The following KLHL32 variants were observed in gnomAD, a reference collection of about 807,000 sequenced individuals.
KLHL32 encodes the protein kelch-like protein 32.
Under a neutral mutation model 64.8 loss-of-function variants are expected in KLHL32, and 35 were observed. That is an observed-to-expected ratio of 0.54 (90% confidence interval 0.41 to 0.72). KLHL32 has a LOEUF of 0.72. KLHL32 is among the 30% of genes least tolerant of loss of function. KLHL32 has a pLI of 0.00. For missense variants in KLHL32, 589 were observed against 768.5 expected (o/e 0.77, Z 2.76); for synonymous variants, 259 against 281.0 (o/e 0.92, Z 0.78).
intron 7 of KLHL32, among the ~76,000 whole-genome samples, chr6:97,118,589 A>G (rs1242129703): frequency 7.1e-6 from 1 of 141,586 alleles, no homozygotes; most frequent in African/African-American, 2.7e-5. Context: ...ACTGCACTCC[A>G]GCCTGGGCAA....
intron 3 of KLHL32, among the ~76,000 whole-genome samples, chr6:97,040,589 G>A (rs370735481): frequency 9.9e-4 from 151 of 152,208 alleles, no homozygotes; most frequent in African/African-American, 3.6e-3. Context: ...ACTCAGACAC[G>A]TTCCCAGGTG....
At chr6:96,963,766 G>T (rs1011511003) in intron 1 of KLHL32, among the ~76,000 whole-genome samples, 1 of 152,106 alleles carries the variant, frequency 6.6e-6, no homozygotes. Context: ...TAAATTCTCT[G>T]TTCACCAAAA....
At chr6:96,983,891 C>G (rs990018851) in intron 3 of KLHL32, among the ~76,000 whole-genome samples, 8 of 152,124 alleles carry the variant, frequency 5.3e-5, no homozygotes, top group Admixed American at 5.2e-4. Flanking sequence ...CAGTTCTGCT[C>G]TGATCTTACT....
At chr6:96,993,828 G>A (rs539620034) in intron 3 of KLHL32, among the ~76,000 whole-genome samples, 1 of 152,298 alleles carries the variant, frequency 6.6e-6, no homozygotes, top group South Asian at 2.1e-4. Context: ...ATGACATGAA[G>A]AGGGCCAGCT....
intron 6 of KLHL32, among the ~76,000 whole-genome samples, chr6:97,107,851 G>A (rs1026772501): frequency 3.9e-5 from 6 of 152,218 alleles, no homozygotes; most frequent in Non-Finnish European, 1.5e-5. Context: ...CTGAGAAATA[G>A]CCTAAAAACC....
rs1463853175 is a variant in KLHL32, at chr6:97,140,345, T to C, written c.*1063T>C. 6.6e-6 allele frequency: 1 copy of C among 152,118 alleles called. No individual in the cohort carries two copies. Among genetic ancestry groups the C allele is most frequent in the Non-Finnish European group, 1.5e-5 (1 of 67,942 alleles). The allele number at this position is 152,118 out of a possible 1,614,324, so 9.4% of individuals were successfully genotyped here. On this transcript the variant is annotated 3_prime_UTR_variant, in exon 11 of 11. Transcript: ENST00000369261. ...AAGTGCTTTGACATAAATTTGAACC[T>C]AGAATTGGCAGTTCTAATAAAAGTT...
At chr6:96,983,559 C>A (rs1456347670) in intron 3 of KLHL32, among the ~76,000 whole-genome samples, 1 of 152,290 alleles carries the variant, frequency 6.6e-6, no homozygotes, top group Non-Finnish European at 1.5e-5. Flanking sequence ...AATTTCAGAG[C>A]CTGTTAATTG....
chr6:97,132,593 T>A, intron 9 of KLHL32, 60 bp from the exon 10 acceptor site: 1 of 1,300,242 alleles, frequency 7.7e-7, no homozygotes. Flanking sequence ...GGCAAAAGGG[T>A]TAATTAAAAT....
At chr6:97,138,529 CAAAACAAAAACA>C (rs71012582) in intron 10 of KLHL32, among the ~76,000 whole-genome samples, 8 of 151,472 alleles carry the variant, frequency 5.3e-5, no homozygotes, top group Admixed American at 2.6e-4. Flanking sequence ...GACCCTGTCT[CAAAACAAAAACA>C]AAAACAAAAA....
At chr6:97,128,684 G>T (rs1799124172) in intron 8 of KLHL32, among the ~76,000 whole-genome samples, 1 of 152,208 alleles carries the variant, frequency 6.6e-6, no homozygotes, top group Non-Finnish European at 1.5e-5. Flanking sequence ...AGGCAGGCTG[G>T]GGTGACCTCT....
chr6:96,999,426 G>C, intron 3 of KLHL32: 2 of 453,056 alleles, frequency 4.4e-6, no homozygotes, highest in Non-Finnish European at 5.8e-6. Flanking sequence ...GTTAATTTCC[G>C]TTTTTGTTTG....
chr6:96,900,049 A>G, the KLHL32 span, among the ~76,000 whole-genome samples: 1 of 152,208 alleles, frequency 6.6e-6, no homozygotes, highest in African/African-American at 2.4e-5. Flanking sequence ...ATTATCAAAT[A>G]AAGGTCAAAT....
At chr6:96,983,911 C>T (rs568747255) in intron 3 of KLHL32, among the ~76,000 whole-genome samples, 2 of 151,938 alleles carry the variant, frequency 1.3e-5, no homozygotes, top group African/African-American at 2.4e-5. Context: ...TTATTTCTTG[C>T]CTTCTGCTAG....
At chr6:97,066,798 A>G (rs952778852) in intron 5 of KLHL32, among the ~76,000 whole-genome samples, 1 of 152,132 alleles carries the variant, frequency 6.6e-6, no homozygotes, top group Non-Finnish European at 1.5e-5. Flanking sequence ...CTCCATAGCT[A>G]TATCTATTTG....
intron 10 of KLHL32, among the ~76,000 whole-genome samples, chr6:97,136,193 ATT>A (rs533259500): frequency 6.6e-6 from 1 of 151,404 alleles, no homozygotes; most frequent in Non-Finnish European, 1.5e-5. Context: ...GGAAGTACTA[ATT>A]TTTTTTTGCC....
intron 10 of KLHL32, among the ~76,000 whole-genome samples, chr6:97,133,649 G>A (rs1308196655): frequency 6.6e-6 from 1 of 152,098 alleles, no homozygotes; most frequent in Non-Finnish European, 1.5e-5. Context: ...TATAGTTGTT[G>A]TGTTATCCTT....
chr6:97,101,260 A>G (rs1291788375), intron 6 of KLHL32, among the ~76,000 whole-genome samples: 1 of 152,166 alleles, frequency 6.6e-6, no homozygotes, highest in Non-Finnish European at 1.5e-5. Flanking sequence ...CAACATAGAA[A>G]GATGATTCGT....
intron 1 of KLHL32, among the ~76,000 whole-genome samples, chr6:96,943,674 C>A (rs1035514599): frequency 2.6e-5 from 4 of 152,234 alleles, no homozygotes; most frequent in African/African-American, 9.6e-5. Flanking sequence ...GGCTTTGCGG[C>A]CCCTGTAGTG....
chr6:97,123,253 G>T (rs953087826), intron 7 of KLHL32, among the ~76,000 whole-genome samples: 2 of 152,188 alleles, frequency 1.3e-5, no homozygotes, highest in African/African-American at 4.8e-5. Flanking sequence ...TAGAATATGA[G>T]TTTGAGAGTC....
Sources: allele counts gnomAD v4.1 joint callset (sites outside exome capture counted in the v4.1 genomes callset), GRCh38; gene constraint gnomAD v4.1.1; transcripts MANE v1.5; gene names NCBI Gene and HGNC (gene_info 2026-07-23, HGNC 2026-07-21).